Variants in SPAG16 observed in about 807,000 individuals in gnomAD.
SPAG16 encodes sperm associated antigen 16, also known as sperm-associated antigen 16 protein.
In SPAG16, 86 loss-of-function variants were observed where a neutral mutation model predicts 80.4. The observed-to-expected ratio is 1.07, with a 90% CI of 0.90 to 1.28. The LOEUF is 1.28. Among genes scored for constraint, SPAG16 ranks in the 50% most tolerant of loss-of-function variants. The probability of loss-of-function intolerance (pLI) is 0.00; values close to 1 mark genes in which losing one functional copy is unlikely to be tolerated. For synonymous variants in SPAG16, 294 were observed against 265.9 expected (o/e 1.11, Z -1.03); for missense variants, 870 against 765.3 (o/e 1.14, Z -1.61).
chr2:213,946,452 T>G (rs2079478419), intron 12 of SPAG16, among the ~76,000 whole-genome samples: 1 of 152,338 alleles, frequency 6.6e-6, no homozygotes, highest in East Asian at 1.9e-4. Flanking sequence ...TAGAATGATT[T>G]AGGCTAACTG....
chr2:213,804,068 A>G (rs986050258), intron 10 of SPAG16, among the ~76,000 whole-genome samples: 1 of 152,214 alleles, frequency 6.6e-6, no homozygotes, highest in Admixed American at 6.5e-5. Context: ...TTGAATTACA[A>G]TTTATATGAT....
intron 4 of SPAG16, 27 bp downstream of exon 4, chr2:213,310,204 C>G (rs758317423): frequency 1.7e-5 from 24 of 1,445,042 alleles, no homozygotes; most frequent in Non-Finnish European, 2.0e-5. Context: ...ATAAATAGTT[C>G]TCTTAAAATT....
chr2:214,195,210 C>T (rs1257905221), intron 15 of SPAG16, among the ~76,000 whole-genome samples: 3 of 150,282 alleles, frequency 2.0e-5, no homozygotes, highest in East Asian at 3.9e-4. Flanking sequence ...GTGGAAAATT[C>T]TTTGCAAGTT....
At chr2:214,128,486 T>C (rs1002610652) in intron 14 of SPAG16, among the ~76,000 whole-genome samples, 1 of 151,834 alleles carries the variant, frequency 6.6e-6, no homozygotes, top group Non-Finnish European at 1.5e-5. Flanking sequence ...TAACCCTTCT[T>C]ATATTTACCC....
chr2:213,324,981 A>G (rs898671765), intron 5 of SPAG16, among the ~76,000 whole-genome samples: 4 of 152,106 alleles, frequency 2.6e-5, no homozygotes, highest in African/African-American at 9.6e-5. Context: ...CATTTTCTGT[A>G]TACAAATGAT....
intron 12 of SPAG16, among the ~76,000 whole-genome samples, chr2:213,949,660 C>T (rs2079647865): frequency 6.6e-6 from 1 of 152,150 alleles, no homozygotes; most frequent in Non-Finnish European, 1.5e-5. Context: ...AGAATATTCT[C>T]ACTGAATATT....
intron 12 of SPAG16, among the ~76,000 whole-genome samples, chr2:213,990,079 C>A (rs962590685): frequency 2.6e-5 from 4 of 151,980 alleles, no homozygotes; most frequent in Non-Finnish European, 4.4e-5. Context: ...GAAAGGTGTC[C>A]AATCTAAACT....
At chr2:213,521,467 A>G (rs900396026) in intron 10 of SPAG16, among the ~76,000 whole-genome samples, 1 of 152,176 alleles carries the variant, frequency 6.6e-6, no homozygotes, top group African/African-American at 2.4e-5. Context: ...GTTAGAGCCT[A>G]TCTCCCCTGA....
chr2:214,054,095 C>T (rs766334087), intron 13 of SPAG16, among the ~76,000 whole-genome samples: 2 of 152,104 alleles, frequency 1.3e-5, no homozygotes, highest in Admixed American at 6.6e-5. Context: ...CTGAAACCTC[C>T]GCCTCCCGGG....
intron 10 of SPAG16, among the ~76,000 whole-genome samples, chr2:213,753,924 A>G (rs2068201017): frequency 1.3e-5 from 2 of 152,244 alleles, no homozygotes; most frequent in Non-Finnish European, 2.9e-5. Context: ...ATCACAGTCA[A>G]GAAACAAAAG....
At chr2:214,033,187 G>A (rs1306885460) in intron 13 of SPAG16, among the ~76,000 whole-genome samples, 2 of 152,170 alleles carry the variant, frequency 1.3e-5, no homozygotes, top group Admixed American at 1.3e-4. Flanking sequence ...GCAAATGCAT[G>A]ATCACTTATT....
chr2:213,908,850 G>A (rs1275211240), intron 11 of SPAG16, among the ~76,000 whole-genome samples: 2 of 150,014 alleles, frequency 1.3e-5, no homozygotes, highest in Non-Finnish European at 3.0e-5. Flanking sequence ...GTATACATGT[G>A]CCATGCTGGT....
chr2:214,028,798 C>T (rs566490626), intron 13 of SPAG16, among the ~76,000 whole-genome samples: 12 of 151,890 alleles, frequency 7.9e-5, no homozygotes, highest in East Asian at 5.8e-4. Context: ...TGTGTGTGCA[C>T]GCATGTGTAT....
At chr2:213,379,187 C>T (rs2067040949) in intron 9 of SPAG16, among the ~76,000 whole-genome samples, 1 of 152,172 alleles carries the variant, frequency 6.6e-6, no homozygotes, top group Non-Finnish European at 1.5e-5. Flanking sequence ...GCTGGTGGAT[C>T]ACTAGGGGTG....
intron 12 of SPAG16, among the ~76,000 whole-genome samples, chr2:213,974,322 A>C (rs1035888454): frequency 6.6e-6 from 1 of 152,110 alleles, no homozygotes; most frequent in African/African-American, 2.4e-5. Flanking sequence ...TATTACATAC[A>C]TAAAATTATA....
intron 13 of SPAG16, among the ~76,000 whole-genome samples, chr2:214,055,157 T>C (rs1011938349): frequency 1.3e-5 from 2 of 152,210 alleles, no homozygotes; most frequent in Non-Finnish European, 2.9e-5. Context: ...AGGATTTGTT[T>C]GTTTTTAAAG....
intron 12 of SPAG16, among the ~76,000 whole-genome samples, chr2:214,012,217 T>C (rs1446878627): frequency 1.4e-5 from 2 of 144,384 alleles, no homozygotes; most frequent in Non-Finnish European, 3.0e-5. Flanking sequence ...TTTATACATA[T>C]GTATATATAT....
At chr2:214,403,885 G>A (rs979333096) in intron 15 of SPAG16, among the ~76,000 whole-genome samples, 5 of 152,166 alleles carry the variant, frequency 3.3e-5, no homozygotes, top group Admixed American at 3.3e-4. Flanking sequence ...TGAATGAAAT[G>A]CAATAAGTGC....
chr2:213,858,915 T>G (rs1277948443), intron 10 of SPAG16, among the ~76,000 whole-genome samples: 1 of 151,958 alleles, frequency 6.6e-6, no homozygotes, highest in African/African-American at 2.4e-5. Context: ...GTGCAGTGGC[T>G]CACGCCTGTA....
Sources: allele counts gnomAD v4.1 joint callset (sites outside exome capture counted in the v4.1 genomes callset), GRCh38; gene constraint gnomAD v4.1.1; transcripts MANE v1.5; gene names NCBI Gene and HGNC (gene_info 2026-07-23, HGNC 2026-07-21).